KCNIP4: variants seen among roughly 807,000 people sequenced by gnomAD.
KCNIP4 encodes the protein potassium voltage-gated channel interacting protein 4, also known as Kv channel-interacting protein 4.
KCNIP4 carries 12 observed loss-of-function variants against 34.0 expected under a neutral mutation model. That is an observed-to-expected ratio of 0.35 (90% CI 0.23 to 0.57). The LOEUF is 0.57. Ranked by LOEUF, KCNIP4 falls within the 20% of genes least tolerant of loss-of-function variation. KCNIP4 has a pLI of 0.83. For missense variants in KCNIP4, 238 were observed against 311.7 expected (o/e 0.76, Z 1.78); for synonymous variants, 124 against 102.2 (o/e 1.21, Z -1.29).
chr4:20,869,636 C>T (rs1486927194), intron 2 of KCNIP4, among the ~76,000 whole-genome samples: 1 of 151,932 alleles, frequency 6.6e-6, no homozygotes. Flanking sequence ...TGTTTCCAAG[C>T]CTTAATTTTA....
intron 1 of KCNIP4, among the ~76,000 whole-genome samples, chr4:21,350,266 T>C (rs1717879045): frequency 6.6e-6 from 1 of 152,092 alleles, no homozygotes; most frequent in South Asian, 2.1e-4. Context: ...ACGTCTTTTA[T>C]AAACTTTTAA....
In KCNIP4 at chr4:21,919,879, G is replaced by A. The variant is rs558288183; in HGVS notation, c.61+28692C>T. ...AGATTGCAGAAAAGTGAGAGAATCTGGATCAGATTTCTTGTTAAGTAAATC... is the reference window on the plus strand; with the variant it reads ...AGATTGCAGAAAAGTGAGAGAATCTAGATCAGATTTCTTGTTAAGTAAATC... On this transcript the variant is annotated intron_variant, in intron 1 of 8. Coordinates refer to ENST00000382152, the MANE Select transcript of KCNIP4 (RefSeq NM_025221.6). Among the ~76,000 whole-genome samples the A allele has an allele frequency of 1.6e-3, 239 of 152,238 alleles. 1 individual carries two copies. Among genetic ancestry groups the A allele is most frequent in the Middle Eastern group, 3.4e-3 (1 of 294 alleles).
chr4:21,654,512 C>G (rs1285501208), intron 1 of KCNIP4, among the ~76,000 whole-genome samples: 1 of 149,196 alleles, frequency 6.7e-6, no homozygotes, highest in African/African-American at 2.5e-5. Flanking sequence ...TTTTTTTTAT[C>G]TAAAGATACC....
intron 1 of KCNIP4, among the ~76,000 whole-genome samples, chr4:21,841,236 AC>A (rs1391425096): frequency 2.0e-5 from 3 of 152,128 alleles, no homozygotes; most frequent in Non-Finnish European, 2.9e-5. Context: ...AAAACATTCT[AC>A]CATTTTACTT....
At chr4:21,278,448 T>C (rs1438838235) in intron 1 of KCNIP4, among the ~76,000 whole-genome samples, 1 of 152,136 alleles carries the variant, frequency 6.6e-6, no homozygotes, top group African/African-American at 2.4e-5. Context: ...TGAGAACATG[T>C]GGTAATTGTT....
chr4:20,772,426 C>T (rs912901780), intron 3 of KCNIP4, among the ~76,000 whole-genome samples: 4 of 151,972 alleles, frequency 2.6e-5, no homozygotes, highest in African/African-American at 9.7e-5. Context: ...ATACTGACAT[C>T]AATAAATATA....
chr4:20,792,622 T>C (rs1397589060), intron 3 of KCNIP4, among the ~76,000 whole-genome samples: 1 of 152,184 alleles, frequency 6.6e-6, no homozygotes, highest in Non-Finnish European at 1.5e-5. Flanking sequence ...CAAAAGACAG[T>C]TGAAGTGGCA....
At chr4:20,739,931 G>T (rs574706708) in intron 5 of KCNIP4, among the ~76,000 whole-genome samples, 2 of 152,250 alleles carry the variant, frequency 1.3e-5, no homozygotes, top group Admixed American at 1.3e-4. Context: ...CATGGCACAA[G>T]AACTATCTGA....
chr4:20,804,779 G>T (rs1560478046), intron 3 of KCNIP4, among the ~76,000 whole-genome samples: 1 of 152,284 alleles, frequency 6.6e-6, no homozygotes, highest in Non-Finnish European at 1.5e-5. Flanking sequence ...AGAAGAGCAG[G>T]TCTATAGTTG....
At chr4:20,940,484 A>G (rs1390640418) in intron 1 of KCNIP4, among the ~76,000 whole-genome samples, 1 of 152,178 alleles carries the variant, frequency 6.6e-6, no homozygotes, top group Non-Finnish European at 1.5e-5. Flanking sequence ...CGTTCATGAA[A>G]AGTAGGGATA....
At chr4:21,693,871 A>G (rs1711964096) in intron 1 of KCNIP4, among the ~76,000 whole-genome samples, 1 of 152,122 alleles carries the variant, frequency 6.6e-6, no homozygotes, top group African/African-American at 2.4e-5. Flanking sequence ...TGCTTCCCTT[A>G]GGTGGAGAAT....
intron 1 of KCNIP4, among the ~76,000 whole-genome samples, chr4:21,738,299 C>G (rs1716152468): frequency 6.6e-6 from 1 of 151,826 alleles, no homozygotes; most frequent in African/African-American, 2.4e-5. Flanking sequence ...ACATGTGAGA[C>G]AAGGAAATGC....
chr4:21,265,552 T>C (rs1285241772), intron 1 of KCNIP4, among the ~76,000 whole-genome samples: 1 of 152,198 alleles, frequency 6.6e-6, no homozygotes, highest in African/African-American at 2.4e-5. Context: ...CCTTAAATAA[T>C]GAACTATCAC....
At chr4:21,674,277 T>C (rs1749717086) in intron 1 of KCNIP4, among the ~76,000 whole-genome samples, 1 of 152,198 alleles carries the variant, frequency 6.6e-6, no homozygotes, top group South Asian at 2.1e-4. Flanking sequence ...TGTGTGTATG[T>C]GTGCACACAC....
At chr4:21,947,062 C>T (rs1560195895) in intron 1 of KCNIP4, among the ~76,000 whole-genome samples, 1 of 152,190 alleles carries the variant, frequency 6.6e-6, no homozygotes, top group Non-Finnish European at 1.5e-5. Flanking sequence ...CCTGAGACGA[C>T]ATTCCTGCCA....
At chr4:21,852,179 A>G (rs1268660866) in intron 1 of KCNIP4, 1 of 147,690 alleles carries the variant, frequency 6.8e-6, no homozygotes, top group Non-Finnish European at 1.5e-5. Context: ...GAAGCTCTCT[A>G]TTTTACTAAA....
intron 2 of KCNIP4, among the ~76,000 whole-genome samples, chr4:20,863,106 G>A (rs1021691358): frequency 6.6e-6 from 1 of 152,130 alleles, no homozygotes; most frequent in Non-Finnish European, 1.5e-5. Context: ...TTGCAATGGA[G>A]AAAAAATAAT....
intron 4 of KCNIP4, 41 bp downstream of exon 4, chr4:20,758,780 T>C (rs777140707): frequency 6.8e-7 from 1 of 1,477,980 alleles, no homozygotes; most frequent in Admixed American, 1.7e-5. Flanking sequence ...AGCATAATTG[T>C]AACTCTGATA....
intron 1 of KCNIP4, among the ~76,000 whole-genome samples, chr4:20,917,955 C>T (rs1729015184): frequency 6.6e-6 from 1 of 152,142 alleles, no homozygotes; most frequent in South Asian, 2.1e-4. Flanking sequence ...TTTCACATGA[C>T]ACAGCTCTAA....
Sources: gnomAD v4.1 joint callset for allele counts (sites outside exome capture counted in the v4.1 genomes callset) on GRCh38, gnomAD v4.1.1 for gene constraint, MANE v1.5 for transcripts, NCBI Gene and HGNC (gene_info 2026-07-23, HGNC 2026-07-21) for gene names.